Variants in MTHFD2L observed in about 807,000 individuals in gnomAD.
MTHFD2L encodes bifunctional methylenetetrahydrofolate dehydrogenase/cyclohydrolase 2, mitochondrial.
A neutral mutation model predicts 34.9 loss-of-function variants in MTHFD2L; 29 were observed. The observed-to-expected ratio is 0.83, with a 90% confidence interval of 0.62 to 1.13. MTHFD2L has a LOEUF of 1.13. Among genes scored for constraint, MTHFD2L ranks in the 50% most tolerant of loss-of-function variants. The probability of loss-of-function intolerance (pLI) is 0.00; values close to 1 mark genes in which losing one functional copy is unlikely to be tolerated. For synonymous variants in MTHFD2L, 167 were observed against 155.7 expected, an observed-to-expected ratio of 1.07 and a Z score of -0.54; for missense variants, 481 against 446.5, an observed-to-expected ratio of 1.08 and a Z score of -0.70.
chr4:74,250,674 A>G (rs1560530937), intron 6 of MTHFD2L, among the ~76,000 whole-genome samples: 1 of 152,166 alleles, frequency 6.6e-6, no homozygotes, highest in Non-Finnish European at 1.5e-5. Flanking sequence ...TTTGCTAATG[A>G]TATTTTTGAG....
At chr4:74,176,770 G>T (rs1203628045) in intron 3 of MTHFD2L, among the ~76,000 whole-genome samples, 1 of 151,904 alleles carries the variant, frequency 6.6e-6, no homozygotes, top group Non-Finnish European at 1.5e-5. Flanking sequence ...TTTAAACTGC[G>T]CAAAATGAGG....
At chr4:74,230,644 A>G (rs1368437718) in intron 6 of MTHFD2L, among the ~76,000 whole-genome samples, 2 of 151,964 alleles carry the variant, frequency 1.3e-5, no homozygotes, top group Non-Finnish European at 2.9e-5. Context: ...AGGTGAAGAA[A>G]GAGTAAGGAG....
intron 5 of MTHFD2L, among the ~76,000 whole-genome samples, chr4:74,224,360 G>A (rs1025395025): frequency 3.9e-5 from 6 of 152,096 alleles, no homozygotes; most frequent in African/African-American, 1.2e-4. Flanking sequence ...CTTTCTCCCT[G>A]TATGGTATCT....
At chr4:74,234,643 T>C (rs1452569783) in intron 6 of MTHFD2L, among the ~76,000 whole-genome samples, 1 of 152,016 alleles carries the variant, frequency 6.6e-6, no homozygotes, top group East Asian at 1.9e-4. Flanking sequence ...TAGAAAAATA[T>C]ATATATATAA....
chr4:74,248,787 G>A (rs1439941910), intron 6 of MTHFD2L, among the ~76,000 whole-genome samples: 29 of 151,840 alleles, frequency 1.9e-4, no homozygotes, highest in Non-Finnish European at 3.5e-4. Context: ...GTAGTTGAGC[G>A]GTTTTGAGTG....
chr4:74,189,981 A>C (rs974107221), intron 3 of MTHFD2L, among the ~76,000 whole-genome samples: 2 of 152,148 alleles, frequency 1.3e-5, no homozygotes, highest in Non-Finnish European at 2.9e-5. Context: ...TTTACCTAGA[A>C]TTTATGTAAC....
Position 74,302,082 on chromosome 4 carries a change from A to G in MTHFD2L, c.*273A>G. ...TTTGTTCATAACATTAAAACAATAA[A>G]GGGCTCATAATAAATAAATATATTT... On this transcript the variant is annotated 3_prime_UTR_variant, in exon 8 of 8. Transcript: ENST00000325278. 1 of 254,492 alleles carries G rather than the reference A, an allele frequency of 3.9e-6. No individual in the cohort carries two copies. Among genetic ancestry groups the G allele is most frequent in the Non-Finnish European group, 7.4e-6 (1 of 135,722 alleles). The allele number at this position is 254,492 out of a possible 1,614,324, so 15.8% of individuals were successfully genotyped here.
At position 74,283,891 on chromosome 4, in the gene MTHFD2L, C is replaced by T. The variant is rs536071462; in HGVS notation, c.931+2341C>T. Among the ~76,000 whole-genome samples the T allele has an allele frequency of 4.6e-5, 7 of 152,118 alleles. No individual in the cohort carries two copies. The South Asian group carries it at 6.2e-4, about 14-fold the overall frequency. On this transcript the variant is annotated intron_variant, in intron 7 of 7. Coordinates refer to ENST00000325278, the MANE Select transcript of MTHFD2L (RefSeq NM_001144978.3). ...CTTCAAGTTGTTCATCAGGACTTAA[C>T]CTGAGGTGAAGGATGATCCCCCAAC...
chr4:74,244,705 G>A (rs1249762058), intron 6 of MTHFD2L, among the ~76,000 whole-genome samples: 1 of 152,170 alleles, frequency 6.6e-6, no homozygotes, highest in African/African-American at 2.4e-5. Context: ...ACAGATTATG[G>A]AGTATGAATA....
upstream of MTHFD2L, chr4:74,157,028 T>C (rs1238038462): frequency 6.6e-6 from 1 of 152,278 alleles, no homozygotes; most frequent in African/African-American, 2.4e-5. Flanking sequence ...GTCTTTTGCA[T>C]GGCAGAAGTT....
chr4:74,253,582 G>A (rs1305902291), intron 6 of MTHFD2L, among the ~76,000 whole-genome samples: 1 of 152,072 alleles, frequency 6.6e-6, no homozygotes, highest in Non-Finnish European at 1.5e-5. Context: ...GCAAATCGCA[G>A]CACCAACCTC....
intron 6 of MTHFD2L, among the ~76,000 whole-genome samples, chr4:74,258,474 T>C (rs1331682845): frequency 2.0e-5 from 3 of 152,082 alleles, no homozygotes; most frequent in Non-Finnish European, 4.4e-5. Context: ...TACACAGATT[T>C]TTTTTAACCA....
intron 6 of MTHFD2L, among the ~76,000 whole-genome samples, chr4:74,280,815 G>A (rs957655806): frequency 5.9e-5 from 9 of 151,700 alleles, no homozygotes; most frequent in South Asian, 2.1e-4. Context: ...TACGGACATC[G>A]TGATTCAAAG....
intron 1 of MTHFD2L, among the ~76,000 whole-genome samples, chr4:74,135,177 G>A (rs1407357892): frequency 1.3e-5 from 2 of 151,928 alleles, no homozygotes; most frequent in Non-Finnish European, 2.9e-5. Context: ...AACTGTCAAA[G>A]ATCAAGCATA....
At chr4:74,124,687 A>G (rs940170859), upstream of MTHFD2L, among the ~76,000 whole-genome samples, 1 of 152,088 alleles carries the variant, frequency 6.6e-6, no homozygotes, top group Non-Finnish European at 1.5e-5. Flanking sequence ...CCCTTTGATG[A>G]AAGCAGTCCT....
At chr4:74,212,405 A>C (rs1413885633) in intron 5 of MTHFD2L, among the ~76,000 whole-genome samples, 1 of 152,084 alleles carries the variant, frequency 6.6e-6, no homozygotes. Context: ...CTTTGTTCTC[A>C]TTGGTTTCAA....
chr4:74,148,035 G>C (rs1441005623), intron 1 of MTHFD2L, among the ~76,000 whole-genome samples: 2 of 152,054 alleles, frequency 1.3e-5, no homozygotes, highest in Non-Finnish European at 2.9e-5. Context: ...TCCATTTTAA[G>C]TTGATTTTGG....
chr4:74,235,666 C>T (rs989109249), intron 6 of MTHFD2L, among the ~76,000 whole-genome samples: 2 of 152,064 alleles, frequency 1.3e-5, no homozygotes, highest in Non-Finnish European at 2.9e-5. Context: ...CTATTTCAGA[C>T]ATCTTTGAAG....
chr4:74,234,845 G>T (rs1408979476), intron 6 of MTHFD2L, among the ~76,000 whole-genome samples: 1 of 151,618 alleles, frequency 6.6e-6, no homozygotes, highest in Non-Finnish European at 1.5e-5. Context: ...GACACAGATA[G>T]ATTGAAAAAT....
Sources: gnomAD v4.1 joint callset for allele counts (sites outside exome capture counted in the v4.1 genomes callset) on GRCh38, gnomAD v4.1.1 for gene constraint, MANE v1.5 for transcripts, NCBI Gene and HGNC (gene_info 2026-07-23, HGNC 2026-07-21) for gene names.